The following ZBTB20 variants were observed in gnomAD, a reference collection of about 807,000 sequenced individuals.
ZBTB20 encodes the protein zinc finger and BTB domain containing 20, also known as zinc finger and BTB domain-containing protein 20.
A neutral mutation model predicts 56.9 loss-of-function variants in ZBTB20; 9 were observed. The observed-to-expected ratio is 0.16, with a 90% confidence interval of 0.10 to 0.28. The LOEUF (loss-of-function observed/expected upper bound fraction) is 0.28. ZBTB20 is among the 10% of genes least tolerant of loss of function. The pLI is 1.00. For synonymous variants in ZBTB20, 417 were observed against 420.7 expected (o/e 0.99, Z 0.11); for missense variants, 655 against 1,003.0 (o/e 0.65, Z 4.69).
chr3:114,603,160 T>TA (rs1220823127), intron 6 of ZBTB20, among the ~76,000 whole-genome samples: 1 of 151,970 alleles, frequency 6.6e-6, no homozygotes, highest in African/African-American at 2.4e-5. Context: ...AACAAATAAA[T>TA]AAAGAGCAAC....
At chr3:115,026,464 C>T (rs2080428970) in intron 2 of ZBTB20, among the ~76,000 whole-genome samples, 1 of 151,006 alleles carries the variant, frequency 6.6e-6, no homozygotes, top group Non-Finnish European at 1.5e-5. Flanking sequence ...AACAGTAAGA[C>T]CTACATTATA....
At chr3:114,631,620 T>C (rs1311877727) in intron 6 of ZBTB20, among the ~76,000 whole-genome samples, 1 of 152,038 alleles carries the variant, frequency 6.6e-6, no homozygotes, top group African/African-American at 2.4e-5. Context: ...CTTGAACTCC[T>C]GACCTCGTGA....
chr3:114,416,472 T>C (rs1228313317), intron 7 of ZBTB20, among the ~76,000 whole-genome samples: 4 of 152,094 alleles, frequency 2.6e-5, no homozygotes, highest in East Asian at 3.9e-4. Flanking sequence ...TGTTTTGTTT[T>C]GGTTTTGCTT....
intron 4 of ZBTB20, among the ~76,000 whole-genome samples, chr3:114,837,861 T>C (rs1231757352): frequency 6.6e-6 from 1 of 152,114 alleles, no homozygotes; most frequent in Non-Finnish European, 1.5e-5. Flanking sequence ...TGCTTACCAG[T>C]ACATTCTTAG....
rs555767826 is a variant in ZBTB20, at chr3:114,642,047, T to G, written c.-295+51481A>C. On this transcript the variant is annotated intron_variant, in intron 6 of 11. Transcript: ENST00000675478. ...AGTCTGTAGTACCTAGTTTGAGGCCTCAAGATTTTCAGGTATGCACAAGGT... is the reference window on the plus strand; with the variant it reads ...AGTCTGTAGTACCTAGTTTGAGGCCGCAAGATTTTCAGGTATGCACAAGGT... Among the ~76,000 whole-genome samples the G allele has an allele frequency of 3.3e-5, 5 of 152,144 alleles. No individual in the cohort carries two copies. In the East Asian group the frequency reaches 9.7e-4, roughly 29 times the overall value.
intron 7 of ZBTB20, among the ~76,000 whole-genome samples, chr3:114,443,522 A>T (rs907405477): frequency 6.6e-6 from 1 of 152,186 alleles, no homozygotes; most frequent in Non-Finnish European, 1.5e-5. Flanking sequence ...CTTCCAGGAC[A>T]GGATTTAAGG....
chr3:114,855,561 G>A (rs1490474733), intron 4 of ZBTB20, among the ~76,000 whole-genome samples: 3 of 152,298 alleles, frequency 2.0e-5, no homozygotes, highest in South Asian at 2.1e-4. Flanking sequence ...GGAGAAAGGG[G>A]AAGGTAAACC....
chr3:114,956,093 A>G lies in ZBTB20; in HGVS notation c.-456+18273T>C, dbSNP rs147432508. On this transcript the variant is annotated intron_variant, in intron 3 of 11. Transcript: ENST00000675478. ...AGGTCTCTAACGACAAGATAAACACATGCTATATTGACAAAAGTATGCAAA... is the reference window on the plus strand; with the variant it reads ...AGGTCTCTAACGACAAGATAAACACGTGCTATATTGACAAAAGTATGCAAA... 6.5e-3 allele frequency among the ~76,000 whole-genome samples: 995 copies of G among 152,324 alleles called. 7 individuals carry two copies. Among genetic ancestry groups the G allele is most frequent in the Non-Finnish European group, 0.011 (773 of 68,018 alleles).
intron 1 of ZBTB20, among the ~76,000 whole-genome samples, chr3:115,080,921 C>T (rs1005367264): frequency 1.4e-4 from 21 of 152,120 alleles, no homozygotes; most frequent in Non-Finnish European, 2.4e-4. Flanking sequence ...TATAAAGCTT[C>T]TATAATTAAA....
intron 6 of ZBTB20, among the ~76,000 whole-genome samples, chr3:114,647,157 A>G (rs902370139): frequency 3.3e-5 from 5 of 151,980 alleles, no homozygotes; most frequent in Admixed American, 6.6e-5. Flanking sequence ...ACTGGCTTTC[A>G]TCGTGTTAAC....
intron 7 of ZBTB20, among the ~76,000 whole-genome samples, chr3:114,437,851 GA>G (rs2090620091): frequency 6.6e-6 from 1 of 152,050 alleles, no homozygotes; most frequent in African/African-American, 2.4e-5. Flanking sequence ...ACCTGACTAG[GA>G]GTCAGGAGGC....
intron 6 of ZBTB20, among the ~76,000 whole-genome samples, chr3:114,627,464 T>C (rs2058713976): frequency 6.6e-6 from 1 of 152,204 alleles, no homozygotes; most frequent in Non-Finnish European, 1.5e-5. Context: ...TTCTTACATC[T>C]TAAGCCTACT....
chr3:114,648,488 T>C (rs960333120), intron 6 of ZBTB20, among the ~76,000 whole-genome samples: 1 of 152,042 alleles, frequency 6.6e-6, no homozygotes, highest in Non-Finnish European at 1.5e-5. Context: ...GATGGCATGA[T>C]GGCATCTTAA....
chr3:114,613,390 C>T (rs148530354), intron 6 of ZBTB20, among the ~76,000 whole-genome samples: 1 of 152,210 alleles, frequency 6.6e-6, no homozygotes, highest in East Asian at 1.9e-4. Context: ...CATTATTTGA[C>T]CTTACATTTT....
Position 114,563,270 on chromosome 3 carries a change from T to A in ZBTB20, c.-294-62879A>T, listed in dbSNP as rs988625967. 5.9e-5 allele frequency among the ~76,000 whole-genome samples: 9 copies of A among 152,326 alleles called. No homozygotes were observed. In the South Asian group the frequency reaches 6.2e-4, roughly 11 times the overall value. ...TTTTTTGAATAGCAGATGAGACACATACTTGCATCCTCAAATCTGCAAAGA... is the reference window on the plus strand; with the variant it reads ...TTTTTTGAATAGCAGATGAGACACAAACTTGCATCCTCAAATCTGCAAAGA... On this transcript the variant is annotated intron_variant, in intron 6 of 11. Coordinates refer to ENST00000675478, the MANE Select transcript of ZBTB20 (RefSeq NM_001348800.3).
chr3:114,729,428 T>A (rs558347854), intron 5 of ZBTB20, among the ~76,000 whole-genome samples: 1 of 152,338 alleles, frequency 6.6e-6, no homozygotes, highest in East Asian at 1.9e-4. Context: ...TCTCTTTTTA[T>A]TTTTACTTTA....
At chr3:114,884,221 G>C (rs933500193) in intron 4 of ZBTB20, among the ~76,000 whole-genome samples, 3 of 152,056 alleles carry the variant, frequency 2.0e-5, no homozygotes, top group African/African-American at 7.2e-5. Context: ...CACCGCGCCC[G>C]GCCGGTGTGT....
At chr3:115,009,303 C>T (rs2079603321) in intron 2 of ZBTB20, among the ~76,000 whole-genome samples, 2 of 151,854 alleles carry the variant, frequency 1.3e-5, no homozygotes, top group African/African-American at 4.8e-5. Context: ...ACTCTCCCCA[C>T]CCCATCTGAA....
chr3:114,607,047 G>A (rs1452757508), intron 6 of ZBTB20, among the ~76,000 whole-genome samples: 8 of 151,930 alleles, frequency 5.3e-5, no homozygotes, highest in South Asian at 2.1e-4. Context: ...GCAGTGAGCC[G>A]AGATCACGCC....
Sources: allele counts gnomAD v4.1 joint callset (sites outside exome capture counted in the v4.1 genomes callset), GRCh38; gene constraint gnomAD v4.1.1; transcripts MANE v1.5; gene names NCBI Gene and HGNC (gene_info 2026-07-23, HGNC 2026-07-21).